The following CNTN5 variants were observed in gnomAD, a reference collection of about 807,000 sequenced individuals.
CNTN5 encodes the protein contactin 5.
A neutral mutation model predicts 129.1 loss-of-function variants in CNTN5; 77 were observed. The observed-to-expected ratio is 0.60, with a 90% CI of 0.50 to 0.72. The LOEUF is 0.72. Ranked by LOEUF, CNTN5 falls within the 30% of genes least tolerant of loss-of-function variation. CNTN5 has a pLI of 0.00. For synonymous variants in CNTN5, 509 were observed against 465.6 expected (o/e 1.09, Z -1.20); for missense variants, 1,478 against 1,328.8 (o/e 1.11, Z -1.75).
At chr11:99,740,667 A>C (rs1172551222) in intron 3 of CNTN5, among the ~76,000 whole-genome samples, 1 of 152,212 alleles carries the variant, frequency 6.6e-6, no homozygotes, top group Admixed American at 6.5e-5. Flanking sequence ...CTCAGCAGGC[A>C]TCAGGTATAA....
rs116108668 is a variant in CNTN5 at position 99,736,294 on chromosome 11, G to A, written c.56-83250G>A. On this transcript the variant is annotated intron_variant, in intron 3 of 24. Transcript: ENST00000524871. ...AGCTAGGTTTCTCAGACTTACTGTGGATTGGCTAATTTGAATAATTTTGAC... is the reference window on the plus strand; with the variant it reads ...AGCTAGGTTTCTCAGACTTACTGTGAATTGGCTAATTTGAATAATTTTGAC... Among the ~76,000 whole-genome samples the A allele has an allele frequency of 2.7e-3, 408 of 152,294 alleles. 2 individuals carry two copies. The highest frequency in any genetic ancestry group is 9.3e-3 in the African/African-American group (386 of 41,562).
rs112109462 is a variant in CNTN5, at chr11:99,767,753, A to G, written c.56-51791A>G. Among the ~76,000 whole-genome samples, 874 of 152,138 alleles carry G rather than the reference A, an allele frequency of 5.7e-3. 9 individuals carry two copies. Among genetic ancestry groups the G allele is most frequent in the African/African-American group, 0.019 (802 of 41,536 alleles). Reference sequence around the variant, plus strand: ...CTAACCTTCTCTTTATCTTGCTGAGAAAGGCAGTGACGTTACAGCAAATAA... The same window carrying G: ...CTAACCTTCTCTTTATCTTGCTGAGGAAGGCAGTGACGTTACAGCAAATAA... On this transcript the variant is annotated intron_variant, in intron 3 of 24. Transcript: ENST00000524871.
intron 13 of CNTN5, among the ~76,000 whole-genome samples, chr11:100,177,037 T>C (rs1015150025): frequency 5.9e-5 from 9 of 152,040 alleles, no homozygotes; most frequent in Non-Finnish European, 1.2e-4. Flanking sequence ...CTTGTAGGCA[T>C]GGGGAGCCAT....
chr11:99,591,671 C>T (rs890768963), intron 3 of CNTN5, among the ~76,000 whole-genome samples: 6 of 151,850 alleles, frequency 4.0e-5, no homozygotes, highest in South Asian at 2.1e-4. Context: ...GCAGCTGGTG[C>T]GGGAAGAGAG....
chr11:99,815,175 G>A (rs1288403679), intron 3 of CNTN5, among the ~76,000 whole-genome samples: 1 of 151,052 alleles, frequency 6.6e-6, no homozygotes, highest in Non-Finnish European at 1.5e-5. Context: ...AATATAAGAT[G>A]TACAGAAAAA....
At chr11:99,033,469 G>A (rs1478847082) in intron 1 of CNTN5, among the ~76,000 whole-genome samples, 1 of 152,104 alleles carries the variant, frequency 6.6e-6, no homozygotes, top group African/African-American at 2.4e-5. Flanking sequence ...AGTTCTCCTT[G>A]AAGAGGTCCT....
At chr11:99,882,465 C>T (rs988227207) in intron 6 of CNTN5, among the ~76,000 whole-genome samples, 12 of 152,118 alleles carry the variant, frequency 7.9e-5, no homozygotes, top group African/African-American at 2.9e-4. Context: ...GTTATACATT[C>T]AGTAGCCTCA....
chr11:100,073,079 C>T (rs756426501), intron 12 of CNTN5, among the ~76,000 whole-genome samples: 2 of 143,914 alleles, frequency 1.4e-5, no homozygotes, highest in Non-Finnish European at 3.0e-5. Context: ...GACAAAATCT[C>T]ACTGTCGCTC....
intron 1 of CNTN5, among the ~76,000 whole-genome samples, chr11:99,164,411 TA>T (rs1207082225): frequency 6.6e-6 from 1 of 151,700 alleles, no homozygotes; most frequent in Non-Finnish European, 1.5e-5. Context: ...TACAATACTT[TA>T]AAAAACTCTA....
intron 3 of CNTN5, among the ~76,000 whole-genome samples, chr11:99,615,501 C>T (rs1371412473): frequency 2.0e-5 from 3 of 152,088 alleles, no homozygotes; most frequent in Non-Finnish European, 4.4e-5. Context: ...AGTGATATCC[C>T]TTCTTCTGAT....
At chr11:99,778,557 T>C (rs1464218815) in intron 3 of CNTN5, among the ~76,000 whole-genome samples, 4 of 151,788 alleles carry the variant, frequency 2.6e-5, no homozygotes, top group African/African-American at 7.2e-5. Context: ...ACGTGCCCTG[T>C]TGAATCCTGT....
intron 1 of CNTN5, among the ~76,000 whole-genome samples, chr11:99,173,841 G>A (rs1001986762): frequency 6.6e-5 from 10 of 152,112 alleles, no homozygotes; most frequent in Admixed American, 2.0e-4. Flanking sequence ...CAGTTATTAG[G>A]CTATTATGGC....
intron 2 of CNTN5, among the ~76,000 whole-genome samples, chr11:99,547,257 G>A (rs1380869066): frequency 1.3e-5 from 2 of 152,058 alleles, no homozygotes; most frequent in South Asian, 2.1e-4. Context: ...CGCCTGCCTC[G>A]GCCTCCCAAG....
At chr11:99,045,627 A>AT (rs1184065141) in intron 1 of CNTN5, among the ~76,000 whole-genome samples, 2 of 152,222 alleles carry the variant, frequency 1.3e-5, no homozygotes, top group African/African-American at 4.8e-5. Context: ...TATGCTATGC[A>AT]TTTTCATCAT....
chr11:99,133,579 T>C (rs1223863127), intron 1 of CNTN5, among the ~76,000 whole-genome samples: 3 of 109,330 alleles, frequency 2.7e-5, no homozygotes, highest in Non-Finnish European at 5.5e-5. Flanking sequence ...AATAACATTA[T>C]TAAAATGTGG....
intron 13 of CNTN5, among the ~76,000 whole-genome samples, chr11:100,154,081 T>C (rs1947153430): frequency 6.6e-6 from 1 of 152,006 alleles, no homozygotes; most frequent in South Asian, 2.1e-4. Context: ...CATTAGGTAT[T>C]TCTCCTAATG....
At chr11:99,856,419 GA>G (rs1948036103) in intron 6 of CNTN5, among the ~76,000 whole-genome samples, 1 of 152,100 alleles carries the variant, frequency 6.6e-6, no homozygotes, top group East Asian at 1.9e-4. Context: ...TCAGACAGTG[GA>G]CTTTCAATCT....
chr11:99,590,527 T>C (rs1449315825), intron 3 of CNTN5, among the ~76,000 whole-genome samples: 1 of 152,224 alleles, frequency 6.6e-6, no homozygotes, highest in Admixed American at 6.5e-5. Flanking sequence ...ATAATAGAAA[T>C]ATCTGTTATA....
intron 3 of CNTN5, among the ~76,000 whole-genome samples, chr11:99,773,528 C>A (rs760594513): frequency 2.0e-4 from 30 of 151,964 alleles, no homozygotes; most frequent in South Asian, 1.4e-3. Context: ...TGTTAGACTG[C>A]AAATTAATTT....
Sources: gnomAD v4.1 joint callset for allele counts (sites outside exome capture counted in the v4.1 genomes callset) on GRCh38, gnomAD v4.1.1 for gene constraint, MANE v1.5 for transcripts, NCBI Gene and HGNC (gene_info 2026-07-23, HGNC 2026-07-21) for gene names.